SGO2: variants seen among roughly 807,000 people sequenced by gnomAD.
SGO2 encodes shugoshin-like 2.
In SGO2, 68 loss-of-function variants were observed where a neutral mutation model predicts 99.5. The ratio of observed to expected loss-of-function variants is 0.68; its 90% CI spans 0.56 to 0.84. The LOEUF (loss-of-function observed/expected upper bound fraction) is 0.84, where lower values mean the gene tolerates loss of function less well. Among genes scored for constraint, SGO2 ranks in the 40% least tolerant of loss-of-function variants. The probability of loss-of-function intolerance (pLI) is 0.00; values close to 1 mark genes in which losing one functional copy is unlikely to be tolerated. For missense variants in SGO2, 1,350 were observed against 1,436.7 expected (o/e 0.94, Z 0.97); for synonymous variants, 457 against 487.1 (o/e 0.94, Z 0.81).
chr2:200,573,850 A>G lies in SGO2; in HGVS notation c.3504A>G (p.Lys1168=). 1.9e-6 allele frequency: 3 copies of G among 1,613,282 alleles called. No homozygotes were observed. The South Asian group carries it at 3.3e-5, about 18-fold the overall frequency. ...TACCTTTGAGCGTTTCTTCTGGTAA[A>G]AATGTGATAATAAAAGAAAATTTTG... ...GLVPLSVSSG[K]NVIIKENFAL... Residue 1168 remains lysine (K), a synonymous_variant, in exon 7 of 9, where the codon AAA becomes AAG. Transcript: ENST00000357799.
At chr2:200,533,909 A>G (rs1169315976) in intron 2 of SGO2, among the ~76,000 whole-genome samples, 1 of 152,130 alleles carries the variant, frequency 6.6e-6, no homozygotes, top group East Asian at 1.9e-4. Flanking sequence ...TGGCAAGACT[A>G]TTCCACACCC....
chr2:200,567,477 C>G (rs2033233521), intron 5 of SGO2, among the ~76,000 whole-genome samples: 1 of 152,124 alleles, frequency 6.6e-6, no homozygotes, highest in South Asian at 2.1e-4. Context: ...AATTTCTTAT[C>G]ACATGAAATT....
rs764616062 is a variant in SGO2, at chr2:200,535,097, A to C, written c.235A>C (p.Lys79Gln). Residue 79 changes from lysine (K) to glutamine (Q), a missense_variant, in exon 3 of 9, where the codon AAG (lysine) becomes CAG (glutamine). Physicochemically the swap from Lys to Gln is moderately conservative, Grantham distance 53. Coordinates refer to ENST00000357799, the MANE Select transcript of SGO2 (RefSeq NM_152524.6). ...GAATTCTCGAAGAATTACAACTGAA[A>C]AGATGCTATTGCAAAAAGAAGTAGA... Reference protein sequence around the residue: ...KENSRRITTEKMLLQKEVEKL... With the variant: ...KENSRRITTEQMLLQKEVEKL... 3.2e-6 allele frequency: 5 copies of C among 1,562,494 alleles called. No individual in the cohort carries two copies.
At chr2:200,547,637 G>A (rs544078907) in intron 5 of SGO2, among the ~76,000 whole-genome samples, 162 of 152,230 alleles carry the variant, frequency 1.1e-3, no homozygotes, top group Middle Eastern at 3.4e-3. Context: ...TTGGAGGGTG[G>A]AGTTAAATTA....
At chr2:200,580,160 A>G (rs2106354460) in intron 8 of SGO2, among the ~76,000 whole-genome samples, 1 of 152,130 alleles carries the variant, frequency 6.6e-6, no homozygotes, top group East Asian at 1.9e-4. Context: ...TGTTATTTGT[A>G]TTTCCACAGG....
chr2:200,575,279 AAAT>A (rs1392796980), intron 7 of SGO2, 29 bp from the exon 8 acceptor site: 1 of 1,424,362 alleles, frequency 7.0e-7, no homozygotes. Context: ...ATACTTTTTA[AAAT>A]ATTTGTGAAA....
Position 200,568,040 on chromosome 2 carries a change from T to C in SGO2, c.474-1623T>C, listed in dbSNP as rs574283638. Among the ~76,000 whole-genome samples, 9 of 152,334 alleles carry C rather than the reference T, an allele frequency of 5.9e-5. No individual in the cohort carries two copies. The South Asian group carries it at 1.9e-3, about 32-fold the overall frequency. ...ACTTTTGGAGAAACTGCCAAATTGT[T>C]TTTCCAAGCTTCTGCACCATTTTAC... On this transcript the variant is annotated intron_variant, in intron 5 of 8. Coordinates refer to ENST00000357799, the MANE Select transcript of SGO2 (RefSeq NM_152524.6).
intron 5 of SGO2, among the ~76,000 whole-genome samples, chr2:200,546,069 C>T (rs554270365): frequency 1.3e-5 from 2 of 152,190 alleles, no homozygotes; most frequent in Admixed American, 6.5e-5. Flanking sequence ...GGACCTCCCC[C>T]ATTTTGGGAC....
At chr2:200,569,498 G>C (rs906706620) in intron 5 of SGO2, among the ~76,000 whole-genome samples, 165 bp from the exon 6 acceptor site, 1 of 152,070 alleles carries the variant, frequency 6.6e-6, no homozygotes, top group Non-Finnish European at 1.5e-5. Context: ...TTCTGTTCTA[G>C]TAGGAACTAC....
chr2:200,564,264 T>G (rs914437157), intron 5 of SGO2, among the ~76,000 whole-genome samples: 1 of 152,234 alleles, frequency 6.6e-6, no homozygotes, highest in Non-Finnish European at 1.5e-5. Context: ...TGTTGTGCCT[T>G]TGTTGTCATT....
intron 8 of SGO2, among the ~76,000 whole-genome samples, chr2:200,578,630 A>G (rs1342296759): frequency 2.6e-5 from 4 of 152,162 alleles, no homozygotes; most frequent in African/African-American, 9.7e-5. Context: ...GGCCTCCTTT[A>G]CAGCATGGCC....
intron 6 of SGO2, 35 bp downstream of exon 6, chr2:200,569,927 G>A (rs1052590913): frequency 7.4e-7 from 1 of 1,347,646 alleles, no homozygotes; most frequent in Non-Finnish European, 1.1e-6. Flanking sequence ...TTGAGTATTT[G>A]TATTAGTTAC....
chr2:200,546,193 A>T (rs574399253), intron 5 of SGO2, among the ~76,000 whole-genome samples: 20 of 150,360 alleles, frequency 1.3e-4, no homozygotes, highest in East Asian at 7.7e-4. Context: ...AAAAAAAAAA[A>T]ATACAAAAAA....
At chr2:200,549,144 T>G (rs1456736312) in intron 5 of SGO2, among the ~76,000 whole-genome samples, 3 of 152,122 alleles carry the variant, frequency 2.0e-5, no homozygotes, top group African/African-American at 7.2e-5. Context: ...GGATTAATCC[T>G]GTCAGGCTAA....
chr2:200,541,268 CCT>C (rs1451371694), intron 4 of SGO2, among the ~76,000 whole-genome samples: 1 of 152,214 alleles, frequency 6.6e-6, no homozygotes, highest in Non-Finnish European at 1.5e-5. Context: ...CCATATCTCC[CCT>C]GTCTGGCCTT....
chr2:200,546,880 A>AC (rs373658724), intron 5 of SGO2, among the ~76,000 whole-genome samples: 26 of 152,254 alleles, frequency 1.7e-4, no homozygotes, highest in African/African-American at 6.3e-4. Context: ...ACAGAAAATT[A>AC]CCCCAAAAGA....
chr2:200,532,272 G>GTTTTTTTTTTTTTT (rs58961852), intron 1 of SGO2: 5 of 187,204 alleles, frequency 2.7e-5, no homozygotes, highest in Non-Finnish European at 1.7e-5. Context: ...AGAGTTTTTT[G>GTTTTTTTTTTTTTT]TTTTTTTTTT....
At position 200,573,250 on chromosome 2, in the gene SGO2, TGAAAAG is replaced by T; in HGVS notation, c.2909_2914del (p.Lys970_Glu971del). ...AACACTATATGGAAGTCAACAGTAA[TGAAAAG>T]GAAAGTTGTGATCAAATTTTAGATT... On this transcript the variant is annotated inframe_deletion, in exon 7 of 9. Transcript: ENST00000357799. 6.3e-7 allele frequency: 1 copy of T among 1,593,368 alleles called. No individual in the cohort carries two copies. The highest frequency in any genetic ancestry group is 1.2e-5 in the South Asian group (1 of 86,018).
chr2:200,576,358 A>G (rs889670012), intron 8 of SGO2, among the ~76,000 whole-genome samples: 3 of 151,768 alleles, frequency 2.0e-5, no homozygotes, highest in African/African-American at 7.3e-5. Context: ...GGTGGATTGC[A>G]TGAGGCCAGG....
Sources: gnomAD v4.1 joint callset for allele counts (sites outside exome capture counted in the v4.1 genomes callset) on GRCh38, gnomAD v4.1.1 for gene constraint, MANE v1.5 for transcripts, NCBI Gene and HGNC (gene_info 2026-07-23, HGNC 2026-07-21) for gene names.